Variants in SLC25A29 observed in about 807,000 individuals in gnomAD.
SLC25A29 encodes the protein solute carrier family 25 member 29.
SLC25A29 carries 13 observed loss-of-function variants against 10.0 expected under a neutral mutation model. The ratio of observed to expected loss-of-function variants is 1.30; its 90% CI spans 0.85 to 2.07. The LOEUF is 2.07. SLC25A29 is among the 30% of genes most tolerant of loss of function. The pLI, the probability that SLC25A29 is intolerant of heterozygous loss-of-function variation, is 0.00. For synonymous variants in SLC25A29, 244 were observed against 221.1 expected, an observed-to-expected ratio of 1.10 and a Z score of -0.92; for missense variants, 475 against 447.6, an observed-to-expected ratio of 1.06 and a Z score of -0.55.
At chr14:100,299,209 C>A in intron 1 of SLC25A29, 1 of 1,219,816 alleles carries the variant, frequency 8.2e-7, no homozygotes. Context: ...AGGCTGCACA[C>A]ACTATTTCTG....
intron 1 of SLC25A29, chr14:100,299,134 C>G (rs1892372640): frequency 2.2e-6 from 3 of 1,382,376 alleles, no homozygotes; most frequent in Non-Finnish European, 2.8e-6. Context: ...GGTGTCCCAT[C>G]TGCAGGCTGC....
downstream of SLC25A29, among the ~76,000 whole-genome samples, chr14:100,286,951 T>C (rs943460490): frequency 6.6e-6 from 1 of 152,226 alleles, no homozygotes; most frequent in Non-Finnish European, 1.5e-5. Flanking sequence ...CCTCCCCAAC[T>C]GGTACCCTGC....
chr14:100,290,071 C>T (rs567329122), downstream of SLC25A29, among the ~76,000 whole-genome samples: 137 of 152,232 alleles, frequency 9.0e-4, 1 homozygote, highest in African/African-American at 2.9e-3. Context: ...GGCAGGCAGC[C>T]GCAGGGTTCG....
At chr14:100,279,723 T>C in the SLC25A29 span, 1 of 152,540 alleles carries the variant, frequency 6.6e-6, no homozygotes, top group Non-Finnish European at 1.5e-5. Flanking sequence ...CACTGTCGGG[T>C]TGAGTAGCCC....
chr14:100,302,558 T>C (rs1378954279), intron 1 of SLC25A29, among the ~76,000 whole-genome samples: 1 of 152,040 alleles, frequency 6.6e-6, no homozygotes, highest in Non-Finnish European at 1.5e-5. Context: ...GGTTTCACCA[T>C]GTTGGCCAGG....
At position 100,292,939 on chromosome 14, in the gene SLC25A29, C is replaced by T; in HGVS notation, c.256G>A (p.Ala86Thr). 2.5e-6 allele frequency: 4 copies of T among 1,606,900 alleles called. No individual in the cohort carries two copies. The highest frequency in any genetic ancestry group is 3.4e-6 in the Non-Finnish European group (4 of 1,177,630). Reference sequence around the variant, plus strand: ...TTGAGGGGCGAGTCGTGGCCCAGGGCCCGGAGGGTGTTGCCCTGCACCCCG... The same window carrying T: ...TTGAGGGGCGAGTCGTGGCCCAGGGTCCGGAGGGTGTTGCCCTGCACCCCG... Reference protein sequence around the residue: ...VFGVQGNTLRALGHDSPLNQF... With the variant: ...VFGVQGNTLRTLGHDSPLNQF... Residue 86 changes from alanine (A) to threonine (T), a missense_variant, in exon 4 of 4, where the codon GCC becomes ACC. Ala to Thr is a moderately conservative substitution (Grantham distance 58, BLOSUM62 0). Coordinates refer to ENST00000359232, the MANE Select transcript of SLC25A29 (RefSeq NM_001039355.3).
intron 1 of SLC25A29, 140 bp downstream of exon 1, chr14:100,306,059 G>T: frequency 3.7e-6 from 2 of 546,648 alleles, no homozygotes; most frequent in Admixed American, 4.5e-5. Flanking sequence ...AGACCCGCCC[G>T]AGGCAAGAGA....
chr14:100,292,393 T>C lies in SLC25A29; in HGVS notation c.802A>G (p.Thr268Ala), dbSNP rs749304883. The C allele has an allele frequency of 1.3e-6, 2 of 1,566,676 alleles. No homozygotes were observed. The highest frequency in any genetic ancestry group is 2.3e-5 in the South Asian group (2 of 85,950). ...GCGTAGGTGAGCACCACCGTGACGGTGGCGAAGGTGGCAGCGTTGACGGGG... is the reference window on the plus strand; with the variant it reads ...GCGTAGGTGAGCACCACCGTGACGGCGGCGAAGGTGGCAGCGTTGACGGGG... ...AFPVNAATFA[T>A]VTVVLTYARG... The change falls in exon 4 of 4, where the codon ACC (threonine) becomes GCC (alanine). Residue 268 changes from threonine (T) to alanine (A), a missense_variant. Transcript: ENST00000359232.
chr14:100,293,624 A>T (rs1317359560), intron 2 of SLC25A29: 4 of 553,932 alleles, frequency 7.2e-6, no homozygotes, highest in Non-Finnish European at 1.3e-5. Flanking sequence ...AAGATCTCAG[A>T]CCAATTCAGG....
At chr14:100,295,590 C>T (rs1157066277) in intron 2 of SLC25A29, 47 of 1,284,126 alleles carry the variant, frequency 3.7e-5, no homozygotes, top group Non-Finnish European at 4.7e-5. Context: ...AGGGTGGGGT[C>T]CAGGCTGGGA....
chr14:100,304,605 CCAGA>C (rs902062345), intron 1 of SLC25A29, among the ~76,000 whole-genome samples: 5 of 151,812 alleles, frequency 3.3e-5, no homozygotes, highest in African/African-American at 1.2e-4. Context: ...TGCTACAGCA[CCAGA>C]CAGTGCCAGT....
chr14:100,289,624 C>T (rs1268576112), downstream of SLC25A29, among the ~76,000 whole-genome samples: 2 of 152,056 alleles, frequency 1.3e-5, no homozygotes, highest in Non-Finnish European at 2.9e-5. Context: ...GGGTGGATCA[C>T]TTGAGGTCAG....
At chr14:100,282,587 TAA>T in the SLC25A29 span, 1 of 152,216 alleles carries the variant, frequency 6.6e-6, no homozygotes, top group East Asian at 1.9e-4. Flanking sequence ...ATCTTTTTCT[TAA>T]GTGTTCTTTG....
downstream of SLC25A29, among the ~76,000 whole-genome samples, chr14:100,286,474 G>T (rs1011089503): frequency 2.1e-5 from 3 of 142,270 alleles, no homozygotes; most frequent in South Asian, 7.8e-4. Context: ...CATGGCTGGG[G>T]GGGGGGGTGT....
Position 100,293,311 on chromosome 14 carries a change from T to C in SLC25A29, c.145A>G (p.Ile49Val), listed in dbSNP as rs1284100164. The C allele has an allele frequency of 6.2e-7, 1 of 1,613,242 alleles. No individual in the cohort carries two copies. Among genetic ancestry groups the C allele is most frequent in the Non-Finnish European group, 8.5e-7 (1 of 1,179,984 alleles). The change falls in exon 3 of 4, where the codon ATC (isoleucine) becomes GTC (valine). Residue 49 changes from isoleucine to valine, a missense_variant. Ile to Val is a conservative substitution (Grantham distance 29). Transcript: ENST00000359232. ...YRGTLHCFKS[I>V]IKQESVLGLY... ...CCACTCACGCTCTCTTGCTTGATGA[T>C]GGACTTGAAGCAGTGCAACGTCCCG... is the stretch of plus-strand genomic sequence containing the variant.
chr14:100,293,607 G>A, intron 2 of SLC25A29: 2 of 564,370 alleles, frequency 3.5e-6, no homozygotes, highest in South Asian at 2.1e-5. Context: ...CAGGGTAGGG[G>A]GTCCCCAAGA....
intron 1 of SLC25A29, chr14:100,305,811 T>C (rs984756554): frequency 5.0e-5 from 10 of 201,132 alleles, no homozygotes; most frequent in Admixed American, 4.2e-4. Context: ...TCCCGAAATA[T>C]ACGGCCGGGG....
chr14:100,292,308 G>A lies in SLC25A29; in HGVS notation c.887C>T (p.Ala296Val), dbSNP rs745783778. 6 of 1,516,982 alleles carry A rather than the reference G, an allele frequency of 4.0e-6. No homozygotes were observed. The Admixed American group carries it at 6.4e-5, about 16-fold the overall frequency. 94.0% of individuals were successfully genotyped at this position (1,516,982 alleles called of 1,614,324 possible). Residue 296 changes from alanine (A) to valine (V), a missense_variant, in exon 4 of 4, where the codon GCC (alanine) becomes GTC (valine). Physicochemically the swap from Ala to Val is moderately conservative, Grantham distance 64. Transcript: ENST00000359232. ...EAVPAAPAGPALAQPSSL is the reference protein window; with the variant it reads ...EAVPAAPAGPVLAQPSSL ...TCACAGGCTGGAGGGCTGCGCCAGG[G>A]CAGGCCCCGCAGGGGCGGCGGGCAC...
chr14:100,299,702 C>T, intron 1 of SLC25A29: 1 of 985,084 alleles, frequency 1.0e-6, no homozygotes, highest in Non-Finnish European at 1.2e-6. Flanking sequence ...TAAGCAGCCT[C>T]ATTACCCATT....
Sources: gnomAD v4.1 joint callset for allele counts (sites outside exome capture counted in the v4.1 genomes callset) on GRCh38, gnomAD v4.1.1 for gene constraint, MANE v1.5 for transcripts, NCBI Gene and HGNC (gene_info 2026-07-23, HGNC 2026-07-21) for gene names.